BCORL1: variants seen among roughly 807,000 people sequenced by gnomAD.
BCORL1 encodes BCL-6 corepressor-like protein 1.
BCORL1 carries 7 observed loss-of-function variants against 87.6 expected under a neutral mutation model. The ratio of observed to expected loss-of-function variants is 0.08; its 90% CI spans 0.05 to 0.15. The LOEUF is 0.15. Among genes scored for constraint, BCORL1 ranks in the 10% least tolerant of loss-of-function variants. BCORL1 has a pLI of 1.00. For missense variants in BCORL1, 1,215 were observed against 1,499.7 expected, an observed-to-expected ratio of 0.81 and a Z score of 3.13; for synonymous variants, 591 against 634.4, an observed-to-expected ratio of 0.93 and a Z score of 1.03.
intron 11 of BCORL1, among the ~76,000 whole-genome samples, chrX:130,042,427 T>C (rs952728286): frequency 9.0e-6 from 1 of 111,360 alleles, no homozygotes; most frequent in African/African-American, 3.3e-5. Context: ...TTTATGGGCA[T>C]GAATCAGGCT....
chrX:130,046,285 T>G (rs1036592265), intron 11 of BCORL1, among the ~76,000 whole-genome samples: 18 of 111,143 alleles, frequency 1.6e-4, no homozygotes, highest in Non-Finnish European at 2.8e-4. Flanking sequence ...AGACCCTGTC[T>G]CAAAAAAATA....
chrX:130,011,713 C>T (rs1320974769), intron 2 of BCORL1, among the ~76,000 whole-genome samples: 1 of 110,889 alleles, frequency 9.0e-6, no homozygotes, highest in Non-Finnish European at 1.9e-5. Flanking sequence ...GGACCCAGCT[C>T]TCTGGCCTTG....
intron 7 of BCORL1, 26 bp downstream of exon 7, chrX:130,025,405 TCG>T: frequency 1.8e-6 from 2 of 1,126,442 alleles, no homozygotes; most frequent in Non-Finnish European, 2.3e-6. Context: ...GGCTCTGCTG[TCG>T]CCGCGGCCCG....
At chrX:130,012,851 G>A in intron 3 of BCORL1, 99 bp from the exon 4 acceptor site, 2 of 1,120,365 alleles carry the variant, frequency 1.8e-6, no homozygotes, top group South Asian at 2.1e-5. Flanking sequence ...CTGGTTGGTC[G>A]AGTTGCAGAG....
rs1932469708 is a variant in BCORL1 at position 130,057,636 on chromosome X, A to AG, written c.*1501dup. The AG allele has an allele frequency of 9.1e-6, 1 of 110,278 alleles. No homozygotes were observed. The highest frequency in any genetic ancestry group is 3.8e-4 in the South Asian group (1 of 2,617). The allele number at this position is 110,278 out of a possible 1,213,427, so 9.1% of individuals were successfully genotyped here. A position where few individuals can be genotyped will look rare whatever the true frequency, so the allele number is the denominator to read the frequency against. ...ACAAAAAAGAAAATGGAAAAAAAAA[A>AG]GATTAAAAAAAAAAGGAAAAAAAAA... On this transcript the variant is annotated 3_prime_UTR_variant, in exon 14 of 14. Transcript: ENST00000540052.
chrX:130,009,335 C>G (rs1928774327), intron 2 of BCORL1, among the ~76,000 whole-genome samples: 1 of 110,937 alleles, frequency 9.0e-6, no homozygotes. Flanking sequence ...CGTGGTGGCG[C>G]ATGCCTGTAA....
intron 1 of BCORL1, among the ~76,000 whole-genome samples, chrX:129,990,391 C>A (rs1222602039): frequency 9.1e-6 from 1 of 110,005 alleles, no homozygotes; most frequent in Non-Finnish European, 1.9e-5. Context: ...ACCACCGTGC[C>A]CGGCTAATTT....
At chrX:129,988,403 CT>C (rs923134498) in intron 1 of BCORL1, among the ~76,000 whole-genome samples, 2 of 109,806 alleles carry the variant, frequency 1.8e-5, no homozygotes, top group Non-Finnish European at 3.8e-5. Context: ...TTCTAGTTTT[CT>C]TTTTTATTCT....
intron 1 of BCORL1, among the ~76,000 whole-genome samples, chrX:129,995,929 T>C (rs891485465): frequency 1.8e-5 from 2 of 111,819 alleles, no homozygotes; most frequent in Admixed American, 1.9e-4. Flanking sequence ...TTGTCCTTGC[T>C]GGGTGTGTGT....
intron 13 of BCORL1, 48 bp downstream of exon 13, chrX:130,052,064 C>G: frequency 9.0e-7 from 1 of 1,110,019 alleles, no homozygotes; most frequent in South Asian, 2.2e-5. Flanking sequence ...GATCCTGGCA[C>G]TCAGTAGGAA....
chrX:130,043,768 ATATATATATATATATAT>A (rs1569388469), intron 11 of BCORL1, among the ~76,000 whole-genome samples: 2 of 17,692 alleles, frequency 1.1e-4, no homozygotes, highest in South Asian at 4.2e-3. Context: ...ATATATATAT[ATATATATATATATATAT>A]TTTTTTTTTT....
chrX:130,013,871 C>A lies in BCORL1; in HGVS notation c.1099C>A (p.Pro367Thr), dbSNP rs1364873522. The change falls in exon 4 of 14, where the codon CCT (proline) becomes ACT (threonine). Residue 367 changes from proline to threonine, a missense_variant. This residue lies in a region of BCORL1 where 861 missense variants were observed against 1,010.0 expected (regional missense o/e 0.85). Coordinates refer to ENST00000540052, the MANE Select transcript of BCORL1 (RefSeq NM_001379451.1). ...MPTPTPSSGP[P>T]STPTLIPAFA... ...CACTCCAACCCCATCTTCCGGCCCACCTTCTACCCCCACCCTCATCCCCGC... is the reference window on the plus strand; with the variant it reads ...CACTCCAACCCCATCTTCCGGCCCAACTTCTACCCCCACCCTCATCCCCGC... 8.6e-7 allele frequency: 1 copy of A among 1,165,841 alleles called. No individual in the cohort carries two copies. Among genetic ancestry groups the A allele is most frequent in the Non-Finnish European group, 1.1e-6 (1 of 871,874 alleles).
intron 8 of BCORL1, among the ~76,000 whole-genome samples, chrX:130,034,130 A>G (rs1441902561): frequency 8.9e-6 from 1 of 112,163 alleles, no homozygotes; most frequent in East Asian, 2.8e-4. Flanking sequence ...AGAAGCTAGG[A>G]TATCCCCTCA....
At chrX:130,045,167 G>T (rs758786163) in intron 11 of BCORL1, among the ~76,000 whole-genome samples, 5 of 112,201 alleles carry the variant, frequency 4.5e-5, no homozygotes, top group African/African-American at 9.7e-5. Context: ...TTACAGGCAG[G>T]TATGTGACTG....
chrX:130,031,534 A>C (rs1172494542), intron 8 of BCORL1, among the ~76,000 whole-genome samples: 1 of 112,360 alleles, frequency 8.9e-6, no homozygotes, highest in African/African-American at 3.2e-5. Flanking sequence ...CTATAATCCC[A>C]GCACTTTGGG....
At chrX:129,985,121 C>G (rs1926491783) in intron 1 of BCORL1, among the ~76,000 whole-genome samples, 1 of 111,643 alleles carries the variant, frequency 9.0e-6, no homozygotes, top group Non-Finnish European at 1.9e-5. Flanking sequence ...TGTAGGTTAG[C>G]GTTACAGTGG....
Position 130,051,988 on chromosome X carries a change from T to C in BCORL1, c.5047T>C (p.Tyr1683His). Reference sequence around the variant, plus strand: ...CTCAGACAAGCCTCTTCTCCCTTGCTACAACCTCCAAGTGTCAGTGTCCCG... The same window carrying C: ...CTCAGACAAGCCTCTTCTCCCTTGCCACAACCTCCAAGTGTCAGTGTCCCG... The part of the protein sequence containing the change: ...ELSDKPLLPC[Y>H]NLQVSVSRGP... The change falls in exon 13 of 14, where the codon TAC (tyrosine) becomes CAC (histidine). Residue 1683 changes from tyrosine to histidine, a missense_variant. By Grantham distance (83) the Tyr-to-His change is moderately conservative (BLOSUM62 2). This residue lies in a region of BCORL1 where 129 missense variants were observed against 157.5 expected (regional missense o/e 0.82). Coordinates refer to ENST00000540052, the MANE Select transcript of BCORL1 (RefSeq NM_001379451.1). The C allele has an allele frequency of 8.3e-7, 1 of 1,204,500 alleles. No individual in the cohort carries two copies. Among genetic ancestry groups the C allele is most frequent in the Non-Finnish European group, 1.1e-6 (1 of 891,994 alleles).
chrX:130,034,506 C>T lies in BCORL1; in HGVS notation c.4357C>T (p.Pro1453Ser). ...GACACGATCTCCCAAATCTCCCACCCCAGTGAAACCCACAGAACCATGTAC... is the reference window on the plus strand; with the variant it reads ...GACACGATCTCCCAAATCTCCCACCTCAGTGAAACCCACAGAACCATGTAC... ...QKTRSPKSPT[P>S]VKPTEPCTPS... Residue 1453 changes from proline to serine, a missense_variant, in exon 9 of 14, where the codon CCA (proline) becomes TCA (serine). This residue lies in a region of BCORL1 where 166 missense variants were observed against 196.5 expected (regional missense o/e 0.84). Transcript: ENST00000540052. 1.0e-6 allele frequency: 1 copy of T among 983,021 alleles called. No homozygotes were observed. Among genetic ancestry groups the T allele is most frequent in the Non-Finnish European group, 1.3e-6 (1 of 756,102 alleles). The allele number at this position is 983,021 out of a possible 1,213,427, so 81.0% of individuals were successfully genotyped here. A position where few individuals can be genotyped will look rare whatever the true frequency, so the allele number is the denominator to read the frequency against.
At chrX:130,039,047 C>T in intron 10 of BCORL1, 90 bp from the exon 11 acceptor site, 1 of 1,050,944 alleles carries the variant, frequency 9.5e-7, no homozygotes, top group Non-Finnish European at 1.3e-6. Context: ...GGGGTCAGCT[C>T]AGTTTTTTCC....
Sources: allele counts gnomAD v4.1 joint callset (sites outside exome capture counted in the v4.1 genomes callset), GRCh38; gene constraint gnomAD v4.1.1; regional missense constraint gnomAD v4.1.1; transcripts MANE v1.5; gene names NCBI Gene and HGNC (gene_info 2026-07-23, HGNC 2026-07-21).